The following CCDC7 variants were observed in gnomAD, a reference collection of about 807,000 sequenced individuals.
The protein encoded by CCDC7 is coiled-coil domain containing 7, also known as coiled-coil domain-containing protein 7.
In CCDC7, 183 loss-of-function variants were observed where a neutral mutation model predicts 196.9. That is an observed-to-expected ratio of 0.93 (90% CI 0.82 to 1.05). The LOEUF is 1.05. Ranked by LOEUF, CCDC7 falls within the 50% of genes least tolerant of loss-of-function variation. The pLI, the probability that CCDC7 is intolerant of heterozygous loss-of-function variation, is 0.00. For synonymous variants in CCDC7, 525 were observed against 484.6 expected (o/e 1.08, Z -1.10); for missense variants, 1,540 against 1,482.2 (o/e 1.04, Z -0.64).
rs192010345 is a variant in CCDC7 at position 32,677,411 on chromosome 10, G to A, written c.2123-8559G>A. Among the ~76,000 whole-genome samples the A allele has an allele frequency of 2.0e-5, 3 of 151,884 alleles. No individual in the cohort carries two copies. The East Asian group carries it at 5.8e-4, about 29-fold the overall frequency. ...CCCTTTATCACTCCTTGTAAGGCTG[G>A]TCTAGTGTTGATTAACTCCCTAAAT... On this transcript the variant is annotated intron_variant, in intron 21 of 41. Transcript: ENST00000639629.
chr10:32,801,512 C>A (rs572989729), intron 29 of CCDC7, among the ~76,000 whole-genome samples: 13 of 152,306 alleles, frequency 8.5e-5, no homozygotes, highest in African/African-American at 3.1e-4. Context: ...CACCATTATC[C>A]TACACCCTTA....
intron 9 of CCDC7, among the ~76,000 whole-genome samples, chr10:32,515,577 T>G (rs1229842717): frequency 6.6e-6 from 1 of 152,168 alleles, no homozygotes; most frequent in Non-Finnish European, 1.5e-5. Flanking sequence ...GAAGTCTCGC[T>G]CTGTCGCTCA....
chr10:32,734,038 A>G (rs1470195293), intron 28 of CCDC7, among the ~76,000 whole-genome samples: 1 of 152,188 alleles, frequency 6.6e-6, no homozygotes, highest in Non-Finnish European at 1.5e-5. Flanking sequence ...CAGAGAGCTA[A>G]AAGCAGAACT....
At chr10:32,617,385 G>A (rs566477158) in intron 18 of CCDC7, among the ~76,000 whole-genome samples, 55 of 151,574 alleles carry the variant, frequency 3.6e-4, no homozygotes, top group Non-Finnish European at 7.4e-4. Flanking sequence ...ATGTTAAGTT[G>A]TTAATTTGTG....
At chr10:32,729,608 A>T (rs976144862) in intron 28 of CCDC7, 151 bp downstream of exon 29, 15 of 405,862 alleles carry the variant, frequency 3.7e-5, no homozygotes, top group Non-Finnish European at 6.5e-5. Flanking sequence ...TGTTTCTTTT[A>T]TAATTACTCA....
intron 33 of CCDC7, among the ~76,000 whole-genome samples, chr10:32,835,994 A>G (rs1593288327): frequency 6.6e-6 from 1 of 152,142 alleles, no homozygotes; most frequent in Admixed American, 6.6e-5. Flanking sequence ...CATTCTCTCT[A>G]TTTGATAAAA....
chr10:32,656,364 T>C lies in CCDC7; in HGVS notation c.2015-7690T>C, dbSNP rs189043324. 5.0e-4 allele frequency among the ~76,000 whole-genome samples: 76 copies of C among 152,348 alleles called. 1 individual carries two copies. The Middle Eastern group carries it at 0.014, about 27-fold the overall frequency. ...AAGTGTCTGTGTTAGTCCATTCTTA[T>C]GTTGCTATGAAGAAATACCTGAGAC... On this transcript the variant is annotated intron_variant, in intron 20 of 41. Coordinates refer to ENST00000639629, the Ensembl canonical transcript of CCDC7.
Position 32,836,749 on chromosome 10 carries a change from G to A in CCDC7, c.3352+1851G>A, listed in dbSNP as rs149040264. ...GGGGTTGTTTTTTTCTTGTAAATTT[G>A]TTTGAGTTCATTGTATGTTGGTTGT... On this transcript the variant is annotated intron_variant, in intron 33 of 41. Transcript: ENST00000639629. Among the ~76,000 whole-genome samples, 30 of 151,984 alleles carry A rather than the reference G, an allele frequency of 2.0e-4. No homozygotes were observed. In the East Asian group the frequency reaches 5.8e-3, roughly 30 times the overall value.
intron 25 of CCDC7, 120 bp downstream of exon 26, chr10:32,711,850 A>G (rs967622301): frequency 4.0e-6 from 2 of 500,736 alleles, no homozygotes; most frequent in Non-Finnish European, 6.9e-6. Flanking sequence ...TATACTCTGT[A>G]AATACTCTAA....
chr10:32,826,366 C>A (rs767267283), intron 32 of CCDC7, among the ~76,000 whole-genome samples: 33 of 152,184 alleles, frequency 2.2e-4, no homozygotes, highest in Non-Finnish European at 4.6e-4. Context: ...CACCTCTTGT[C>A]CTATTACTGG....
rs190314486 is a variant in CCDC7 at position 32,657,004 on chromosome 10, A to C, written c.2015-7050A>C. ...TCAAAATCCAATAGGGCAGTCATTA[A>C]ATTTTAAAGTTCCAAAATGATCTTC... On this transcript the variant is annotated intron_variant, in intron 20 of 41. Transcript: ENST00000639629. Among the ~76,000 whole-genome samples, 52 of 152,334 alleles carry C rather than the reference A, an allele frequency of 3.4e-4. 1 individual carries two copies. The highest frequency in any genetic ancestry group is 1.0e-3 in the African/African-American group (42 of 41,578).
At chr10:32,740,833 G>A (rs944446519) in intron 28 of CCDC7, among the ~76,000 whole-genome samples, 2 of 151,440 alleles carry the variant, frequency 1.3e-5, no homozygotes, top group Non-Finnish European at 2.9e-5. Context: ...CACATTTATT[G>A]TTTCTTTTAA....
chr10:32,844,077 C>T (rs887645018), intron 33 of CCDC7, among the ~76,000 whole-genome samples: 1 of 151,938 alleles, frequency 6.6e-6, no homozygotes, highest in African/African-American at 2.4e-5. Context: ...ATATAGTCTG[C>T]TATAAACAAC....
At chr10:32,581,647 A>G (rs2058739957) in intron 16 of CCDC7, among the ~76,000 whole-genome samples, 1 of 152,162 alleles carries the variant, frequency 6.6e-6, no homozygotes, top group Non-Finnish European at 1.5e-5. Context: ...AGACAACAGA[A>G]GTGGGGAAAG....
At chr10:32,686,045 A>G in exon 22 of CCDC7, 1 of 1,556,120 alleles carries the variant, frequency 6.4e-7, no homozygotes. Context: ...TTACAAATAA[A>G]GAAACAAGAA....
intron 18 of CCDC7, among the ~76,000 whole-genome samples, chr10:32,608,052 C>T (rs1417090851): frequency 2.6e-5 from 4 of 151,992 alleles, no homozygotes; most frequent in Non-Finnish European, 5.9e-5. Flanking sequence ...TGTATGTGTC[C>T]AGGCATTTAT....
At chr10:32,641,288 C>G (rs953140319) in intron 20 of CCDC7, among the ~76,000 whole-genome samples, 11 of 152,196 alleles carry the variant, frequency 7.2e-5, no homozygotes, top group African/African-American at 2.7e-4. Flanking sequence ...TTCAGATACA[C>G]CAATCAGATG....
At chr10:32,844,835 G>A (rs1043340430) in intron 33 of CCDC7, among the ~76,000 whole-genome samples, 1 of 151,646 alleles carries the variant, frequency 6.6e-6, no homozygotes, top group African/African-American at 2.4e-5. Context: ...AAGACATGTT[G>A]TGACTCTTCT....
chr10:32,656,163 T>A (rs1167557346), intron 20 of CCDC7, among the ~76,000 whole-genome samples: 1 of 152,196 alleles, frequency 6.6e-6, no homozygotes, highest in Non-Finnish European at 1.5e-5. Context: ...AGTTTTATTG[T>A]TTTATATTTA....
Sources: allele counts gnomAD v4.1 joint callset (sites outside exome capture counted in the v4.1 genomes callset), GRCh38; gene constraint gnomAD v4.1.1; transcripts MANE v1.5; gene names NCBI Gene and HGNC (gene_info 2026-07-23, HGNC 2026-07-21).